EXOC5: variants seen among roughly 807,000 people sequenced by gnomAD.
EXOC5 encodes the protein exocyst complex component 5, also known as SEC10-like 1.
In EXOC5, 17 loss-of-function variants were observed where a neutral mutation model predicts 90.8. The observed-to-expected ratio is 0.19, with a 90% confidence interval of 0.13 to 0.28. EXOC5 has a LOEUF of 0.28. Among genes scored for constraint, EXOC5 ranks in the 10% least tolerant of loss-of-function variants. The probability of loss-of-function intolerance (pLI) is 1.00; values close to 1 mark genes in which losing one functional copy is unlikely to be tolerated. For synonymous variants in EXOC5, 260 were observed against 270.0 expected (o/e 0.96, Z 0.36); for missense variants, 569 against 830.6 (o/e 0.69, Z 3.87).
chr14:57,217,227 C>T lies in EXOC5; in HGVS notation c.1613+755G>A, dbSNP rs1441530791. Among the ~76,000 whole-genome samples the T allele has an allele frequency of 2.0e-5, 3 of 152,144 alleles. No individual in the cohort carries two copies. The East Asian group carries it at 5.8e-4, about 29-fold the overall frequency. ...CCTCAAAAACTTAAAAACAGAGCTA[C>T]TATATGATCCAACAACCCCATTTCT... On this transcript the variant is annotated intron_variant, in intron 15 of 17. Coordinates refer to ENST00000621441, the MANE Select transcript of EXOC5 (RefSeq NM_006544.4).
chr14:57,203,459 A>C lies in EXOC5; in HGVS notation c.*5150T>G, dbSNP rs552216314. 6.6e-6 allele frequency: 1 copy of C among 152,508 alleles called. No homozygotes were observed. Among genetic ancestry groups the C allele is most frequent in the African/African-American group, 2.4e-5 (1 of 41,464 alleles). The allele number at this position is 152,508 out of a possible 1,614,324, so 9.4% of individuals were successfully genotyped here. On this transcript the variant is annotated 3_prime_UTR_variant, in exon 18 of 18. Transcript: ENST00000621441. ...TGTTAGTTCTATCCAAACTTCACTT[A>C]GTTTATTAACATAAAGATAACTGGA...
At position 57,252,558 on chromosome 14, in the gene EXOC5, A is replaced by C. The variant is rs117667085; in HGVS notation, c.28-4846T>G. ...AAATGCTCAACACCATTAATCATCAAGGAAATGCAAATTAAAACCTCAGTA... is the reference window on the plus strand; with the variant it reads ...AAATGCTCAACACCATTAATCATCACGGAAATGCAAATTAAAACCTCAGTA... On this transcript the variant is annotated intron_variant, in intron 1 of 17. Transcript: ENST00000621441. 9.8e-5 allele frequency among the ~76,000 whole-genome samples: 15 copies of C among 152,296 alleles called. 1 individual carries two copies. Among genetic ancestry groups the C allele is most frequent in the Middle Eastern group, 3.4e-3 (1 of 294 alleles).
chr14:57,255,827 G>A lies in EXOC5; in HGVS notation c.28-8115C>T, dbSNP rs566476859. On this transcript the variant is annotated intron_variant, in intron 1 of 17. Transcript: ENST00000621441. ...AGCCTGGGCGACTGAGCAAGACTCC[G>A]TCTCCAAAAGCAAAAAAAAAAAAAA... Among the ~76,000 whole-genome samples the A allele has an allele frequency of 5.6e-5, 8 of 142,244 alleles. 1 individual carries two copies. The highest frequency in any genetic ancestry group is 2.3e-4 in the South Asian group (1 of 4,390). 93.3% of individuals were successfully genotyped at this position (142,244 alleles called of 152,430 possible).
intron 4 of EXOC5, among the ~76,000 whole-genome samples, chr14:57,240,211 T>C (rs1367658946): frequency 7.6e-6 from 1 of 131,310 alleles, no homozygotes; most frequent in Admixed American, 6.8e-5. Flanking sequence ...TTTCTTTCTG[T>C]CTTTTTTTTT....
intron 1 of EXOC5, among the ~76,000 whole-genome samples, chr14:57,267,896 C>T (rs1486342735): frequency 6.6e-6 from 1 of 152,068 alleles, no homozygotes; most frequent in Non-Finnish European, 1.5e-5. Flanking sequence ...GCATTATATA[C>T]ATGAAACGAA....
chr14:57,239,653 C>T lies in EXOC5; in HGVS notation c.472G>A (p.Glu158Lys). The T allele has an allele frequency of 6.6e-7, 1 of 1,520,134 alleles. No homozygotes were observed. The highest frequency in any genetic ancestry group is 2.2e-5 in the Admixed American group (1 of 46,014). 94.2% of individuals were successfully genotyped at this position (1,520,134 alleles called of 1,614,324 possible). The change falls in exon 5 of 18, where the codon GAA becomes AAA. Residue 158 changes from glutamate (E) to lysine (K), a missense_variant. Glu to Lys is a moderately conservative substitution (Grantham distance 56). Around this residue, in one of 9 missense-constraint regions of EXOC5, gnomAD observed 97 missense variants for 177.9 expected, o/e 0.55. Coordinates refer to ENST00000621441, the MANE Select transcript of EXOC5 (RefSeq NM_006544.4). ...DVFTNSEKIK[E>K]AADIIQKLHL... is the part of the protein sequence containing the mutation. ...AACTTCTGAATGATGTCTGCTGCTT[C>T]CTTTATCTATGAAAAAATAAATAAA...
chr14:57,230,440 CACACAA>C (rs1438157081), intron 11 of EXOC5, among the ~76,000 whole-genome samples: 3 of 149,326 alleles, frequency 2.0e-5, no homozygotes, highest in African/African-American at 5.1e-5. Flanking sequence ...CACACACACA[CACACAA>C]ACACACACAC....
At chr14:57,238,567 CAT>C (rs1170470478) in intron 5 of EXOC5, among the ~76,000 whole-genome samples, 3 of 151,674 alleles carry the variant, frequency 2.0e-5, no homozygotes, top group South Asian at 4.2e-4. Context: ...TCTGAAATGA[CAT>C]AAAGTTAAAG....
chr14:57,215,715 G>C (rs1882953079), intron 15 of EXOC5, among the ~76,000 whole-genome samples: 1 of 152,132 alleles, frequency 6.6e-6, no homozygotes, highest in African/African-American at 2.4e-5. Context: ...TAATATCAAA[G>C]TGTGAAAAGC....
At position 57,202,869 on chromosome 14, in the gene EXOC5, A is replaced by T. The variant is rs1337810912; in HGVS notation, c.*5740T>A. On this transcript the variant is annotated 3_prime_UTR_variant, in exon 18 of 18. Coordinates refer to ENST00000621441, the MANE Select transcript of EXOC5 (RefSeq NM_006544.4). The stretch of plus-strand genomic sequence containing the variant: ...TTTAAAATAAAAAAATGTACATATT[A>T]CTATAAAAATAACTTCTCCCCCTTG... The T allele has an allele frequency of 1.3e-5, 2 of 152,192 alleles. No homozygotes were observed. The highest frequency in any genetic ancestry group is 2.4e-5 in the African/African-American group (1 of 41,446). 9.4% of individuals were successfully genotyped at this position (152,192 alleles called of 1,614,324 possible). A position where few individuals can be genotyped will look rare whatever the true frequency, so the allele number is the denominator to read the frequency against.
intron 17 of EXOC5, 27 bp downstream of exon 17, chr14:57,209,540 A>G: frequency 2.9e-6 from 4 of 1,367,908 alleles, no homozygotes; most frequent in Non-Finnish European, 4.1e-6. Flanking sequence ...GCCTATTTGC[A>G]AGTTTGATGT....
chr14:57,236,154 C>T (rs964193662), intron 6 of EXOC5, among the ~76,000 whole-genome samples: 1 of 152,116 alleles, frequency 6.6e-6, no homozygotes, highest in Non-Finnish European at 1.5e-5. Flanking sequence ...AAATCCTACA[C>T]ATGGAAAGGG....
At chr14:57,218,093 A>C (rs1039636089) in intron 14 of EXOC5, 25 bp from the exon 15 acceptor site, 3 of 1,138,582 alleles carry the variant, frequency 2.6e-6, no homozygotes, top group African/African-American at 3.1e-5. Context: ...AAATGGAAAA[A>C]GAATCATATT....
At chr14:57,224,306 A>G (rs1397393464) in intron 12 of EXOC5, among the ~76,000 whole-genome samples, 1 of 152,184 alleles carries the variant, frequency 6.6e-6, no homozygotes, top group African/African-American at 2.4e-5. Context: ...TTCGGGGGGA[A>G]ATAAATCAGT....
At chr14:57,250,117 A>G (rs1358288675) in intron 1 of EXOC5, among the ~76,000 whole-genome samples, 1 of 152,150 alleles carries the variant, frequency 6.6e-6, no homozygotes, top group Non-Finnish European at 1.5e-5. Flanking sequence ...AGGCCTTTCT[A>G]AGAAAATAAA....
chr14:57,262,733 G>A (rs1013311945), intron 1 of EXOC5, among the ~76,000 whole-genome samples: 3 of 144,856 alleles, frequency 2.1e-5, no homozygotes, highest in South Asian at 2.1e-4. Context: ...GTATATATAC[G>A]TATATATGTG....
Position 57,238,643 on chromosome 14 carries a change from A to C in EXOC5, c.530+952T>G, listed in dbSNP as rs144914089. Among the ~76,000 whole-genome samples the C allele has an allele frequency of 1.2e-3, 186 of 152,004 alleles. 1 individual carries two copies. The highest frequency in any genetic ancestry group is 4.3e-3 in the African/African-American group (180 of 41,534). ...AGTTAAATCATAATGCTGGGCAACT[A>C]CCAGATTATTATTAAGAATGATAGA... On this transcript the variant is annotated intron_variant, in intron 5 of 17. Transcript: ENST00000621441.
intron 12 of EXOC5, among the ~76,000 whole-genome samples, chr14:57,229,101 C>T (rs1883400419): frequency 6.6e-6 from 1 of 152,050 alleles, no homozygotes; most frequent in African/African-American, 2.4e-5. Flanking sequence ...CCTGATGCAC[C>T]ATTTCTTCAT....
chr14:57,218,137 A>T (rs1883025877), intron 14 of EXOC5, 69 bp from the exon 15 acceptor site: 1 of 722,152 alleles, frequency 1.4e-6, no homozygotes, highest in East Asian at 2.7e-5. Context: ...TTTTTCATAC[A>T]CCTATGTGTA....
Sources: gnomAD v4.1 joint callset for allele counts (sites outside exome capture counted in the v4.1 genomes callset) on GRCh38, gnomAD v4.1.1 for gene constraint, gnomAD v4.1.1 regional missense constraint, MANE v1.5 for transcripts, NCBI Gene and HGNC (gene_info 2026-07-23, HGNC 2026-07-21) for gene names.